The following CSMD1 variants were observed in gnomAD, a reference collection of about 807,000 sequenced individuals.
CSMD1 encodes CUB and Sushi multiple domains 1, also known as CUB and sushi domain-containing protein 1.
CSMD1 carries 213 observed loss-of-function variants against 417.5 expected under a neutral mutation model. The ratio of observed to expected loss-of-function variants is 0.51; its 90% confidence interval spans 0.46 to 0.57. CSMD1 has a LOEUF of 0.57. Ranked by LOEUF, CSMD1 falls within the 20% of genes least tolerant of loss-of-function variation. The pLI is 0.00. For missense variants in CSMD1, 6,923 were observed against 4,529.7 expected (o/e 1.53, Z -15.17); for synonymous variants, 2,862 against 1,736.8 (o/e 1.65, Z -16.11).
intron 5 of CSMD1, among the ~76,000 whole-genome samples, chr8:3,815,566 C>T (rs191255306): frequency 6.6e-6 from 1 of 150,974 alleles, no homozygotes; most frequent in Non-Finnish European, 1.5e-5. Flanking sequence ...TGAAAAAATA[C>T]TGCTTTGAAA....
chr8:4,991,084 C>A (rs1811440134), intron 1 of CSMD1, among the ~76,000 whole-genome samples: 1 of 152,138 alleles, frequency 6.6e-6, no homozygotes, highest in African/African-American at 2.4e-5. Flanking sequence ...TCTGCAAATA[C>A]CTGCATTCTC....
At chr8:3,103,677 T>C (rs1476452905) in intron 46 of CSMD1, among the ~76,000 whole-genome samples, 3 of 151,832 alleles carry the variant, frequency 2.0e-5, no homozygotes, top group East Asian at 1.9e-4. Context: ...TGGCTTGTCA[T>C]GAATTAAACG....
intron 3 of CSMD1, among the ~76,000 whole-genome samples, chr8:4,411,792 G>C (rs558238022): frequency 6.6e-6 from 1 of 152,074 alleles, no homozygotes; most frequent in Non-Finnish European, 1.5e-5. Context: ...ATGGAATCAC[G>C]TGGCATATGC....
chr8:4,179,963 C>G (rs546899454), intron 3 of CSMD1, among the ~76,000 whole-genome samples: 2 of 152,026 alleles, frequency 1.3e-5, no homozygotes, highest in Non-Finnish European at 2.9e-5. Flanking sequence ...AATAGGAACA[C>G]TTTTACACTG....
intron 2 of CSMD1, among the ~76,000 whole-genome samples, chr8:4,449,342 G>A (rs1177995154): frequency 1.3e-5 from 2 of 152,146 alleles, no homozygotes; most frequent in Non-Finnish European, 1.5e-5. Flanking sequence ...TTGGTTTTAA[G>A]CCTCCCCCTC....
intron 1 of CSMD1, among the ~76,000 whole-genome samples, chr8:4,700,890 G>A (rs1238801307): frequency 2.0e-5 from 3 of 152,166 alleles, no homozygotes; most frequent in Non-Finnish European, 2.9e-5. Context: ...CCTGTTACAT[G>A]GAGAACAAAA....
intron 1 of CSMD1, among the ~76,000 whole-genome samples, chr8:4,918,250 T>C (rs1452139794): frequency 6.6e-6 from 1 of 152,216 alleles, no homozygotes; most frequent in Admixed American, 6.5e-5. Flanking sequence ...GCCCCCTCCA[T>C]GTGCGAAGCA....
Position 4,139,524 on chromosome 8 carries a change from G to C in CSMD1, c.416-107425C>G, listed in dbSNP as rs539619171. ...TCTGCATTCAGTGTTGTGGATCTCA[G>C]GGGAGTGGCACTCATCCTGCACGAC... is the stretch of plus-strand genomic sequence containing the variant. On this transcript the variant is annotated intron_variant, in intron 3 of 69. Coordinates refer to ENST00000635120, the MANE Select transcript of CSMD1 (RefSeq NM_033225.6). Among the ~76,000 whole-genome samples the C allele has an allele frequency of 1.5e-3, 216 of 148,752 alleles. 19 individuals carry two copies. Among genetic ancestry groups the C allele is most frequent in the African/African-American group, 5.4e-3 (205 of 38,278 alleles).
chr8:4,419,138 G>C (rs1030574189), intron 3 of CSMD1, among the ~76,000 whole-genome samples: 2 of 151,592 alleles, frequency 1.3e-5, no homozygotes, highest in Non-Finnish European at 2.9e-5. Context: ...CAAGTAAACA[G>C]TGTGTGTTGT....
At chr8:4,531,712 G>C (rs1247479853) in intron 2 of CSMD1, among the ~76,000 whole-genome samples, 1 of 152,150 alleles carries the variant, frequency 6.6e-6, no homozygotes, top group East Asian at 1.9e-4. Context: ...TGTAATAACA[G>C]CTTTGAGATA....
intron 2 of CSMD1, among the ~76,000 whole-genome samples, chr8:4,493,186 G>T (rs377410535): frequency 6.6e-6 from 1 of 152,134 alleles, no homozygotes; most frequent in Admixed American, 6.5e-5. Context: ...CCTTAAGACA[G>T]TAAGCGTTAT....
At chr8:4,478,270 T>C (rs1800907036) in intron 2 of CSMD1, among the ~76,000 whole-genome samples, 1 of 152,180 alleles carries the variant, frequency 6.6e-6, no homozygotes, top group Non-Finnish European at 1.5e-5. Flanking sequence ...AATTTGCTCC[T>C]AAGGTTGAAA....
At chr8:3,444,312 CAG>C (rs1355661885) in intron 12 of CSMD1, among the ~76,000 whole-genome samples, 1 of 152,170 alleles carries the variant, frequency 6.6e-6, no homozygotes, top group Non-Finnish European at 1.5e-5. Context: ...ATCATCGACT[CAG>C]GAGTCAAGAA....
At chr8:3,926,409 G>C (rs1809733355) in intron 5 of CSMD1, among the ~76,000 whole-genome samples, 1 of 149,414 alleles carries the variant, frequency 6.7e-6, no homozygotes, top group Non-Finnish European at 1.5e-5. Flanking sequence ...GTCTTTTGTT[G>C]AGATATTACC....
intron 5 of CSMD1, among the ~76,000 whole-genome samples, chr8:3,885,558 C>G (rs958581389): frequency 2.0e-5 from 3 of 152,170 alleles, no homozygotes; most frequent in Non-Finnish European, 4.4e-5. Flanking sequence ...TGTTGCTCCA[C>G]CTAGTAATGA....
chr8:3,632,247 C>A (rs933444763), intron 7 of CSMD1, among the ~76,000 whole-genome samples: 4 of 152,126 alleles, frequency 2.6e-5, no homozygotes, highest in African/African-American at 9.7e-5. Context: ...TGGGCTTTAA[C>A]CATTTGATAA....
chr8:4,697,387 C>G (rs1038581878), intron 1 of CSMD1, among the ~76,000 whole-genome samples: 1 of 152,022 alleles, frequency 6.6e-6, no homozygotes, highest in African/African-American at 2.4e-5. Flanking sequence ...TTTTAAGTGG[C>G]TACTTTACAT....
chr8:3,975,092 A>C (rs1180833044), intron 5 of CSMD1, among the ~76,000 whole-genome samples: 2 of 152,174 alleles, frequency 1.3e-5, no homozygotes, highest in Non-Finnish European at 2.9e-5. Flanking sequence ...TAACGTTAAA[A>C]ACTAGTTTTA....
intron 10 of CSMD1, among the ~76,000 whole-genome samples, chr8:3,533,416 G>A (rs899994749): frequency 3.9e-5 from 6 of 152,064 alleles, no homozygotes; most frequent in Non-Finnish European, 8.8e-5. Flanking sequence ...GATAACAGTG[G>A]TTTGACTCTG....
Sources: allele counts gnomAD v4.1 joint callset (sites outside exome capture counted in the v4.1 genomes callset), GRCh38; gene constraint gnomAD v4.1.1; transcripts MANE v1.5; gene names NCBI Gene and HGNC (gene_info 2026-07-23, HGNC 2026-07-21).